IFNGR1: variants seen among roughly 807,000 people sequenced by gnomAD.
The protein encoded by IFNGR1 is interferon gamma receptor 1.
In IFNGR1, 23 loss-of-function variants were observed where a neutral mutation model predicts 35.4. The observed-to-expected ratio is 0.65, with a 90% CI of 0.47 to 0.92. IFNGR1 has a LOEUF of 0.92. IFNGR1 is among the 40% of genes least tolerant of loss of function. The pLI is 0.00. For missense variants in IFNGR1, 533 were observed against 583.4 expected, an observed-to-expected ratio of 0.91 and a Z score of 0.89; for synonymous variants, 199 against 209.5, an observed-to-expected ratio of 0.95 and a Z score of 0.43.
chr6:137,218,975 G>A (rs1179915128), intron 1 of IFNGR1: 6 of 560,594 alleles, frequency 1.1e-5, no homozygotes, highest in Non-Finnish European at 1.9e-5. Flanking sequence ...GTATTTAAAA[G>A]TGGATTACAA....
rs1779639947 is a variant in IFNGR1, at chr6:137,214,257, A to G, written c.85+4986T>C. Among the ~76,000 whole-genome samples the G allele has an allele frequency of 2.0e-5, 3 of 152,330 alleles. No homozygotes were observed. In the South Asian group the frequency reaches 6.2e-4, roughly 32 times the overall value. ...AACCAGCATAAGAAATCCACACTGA[A>G]TAAATGAAAAGTACCAAATCAAGGC... On this transcript the variant is annotated intron_variant, in intron 1 of 6. Coordinates refer to ENST00000367739, the MANE Select transcript of IFNGR1 (RefSeq NM_000416.3).
intron 1 of IFNGR1, among the ~76,000 whole-genome samples, chr6:137,207,518 T>G (rs537830489): frequency 5.6e-4 from 85 of 152,294 alleles, no homozygotes; most frequent in African/African-American, 1.9e-3. Flanking sequence ...AGAATTCCCA[T>G]GTGTTGTGGC....
At position 137,198,263 on chromosome 6, in the gene IFNGR1, T is replaced by C. The variant is rs761112956; in HGVS notation, c.1238A>G (p.Asp413Gly). ...SESDHSRNGF[D>G]TDSSCLESHS... ...TGATTCCAGACAGCTGGAATCAGTATCAAAACCATTTCTGGAGTGATCACT... is the reference window on the plus strand; with the variant it reads ...TGATTCCAGACAGCTGGAATCAGTACCAAAACCATTTCTGGAGTGATCACT... The change falls in exon 7 of 7, where the codon GAT becomes GGT. Residue 413 changes from aspartate to glycine, a missense_variant. Physicochemically the swap from Asp to Gly is moderately conservative, Grantham distance 94 (BLOSUM62 -1). Transcript: ENST00000367739. The C allele has an allele frequency of 7.4e-6, 12 of 1,614,036 alleles. No homozygotes were observed. The South Asian group carries it at 9.9e-5, about 13-fold the overall frequency.
intron 5 of IFNGR1, among the ~76,000 whole-genome samples, chr6:137,201,658 C>T (rs966198804): frequency 6.6e-6 from 1 of 150,544 alleles, no homozygotes; most frequent in African/African-American, 2.4e-5. Context: ...GGTGACAGAG[C>T]GAGACTCCAT....
chr6:137,204,843 T>C (rs986499135), intron 3 of IFNGR1, among the ~76,000 whole-genome samples: 4 of 152,224 alleles, frequency 2.6e-5, no homozygotes, highest in Admixed American at 6.5e-5. Context: ...TTTTCCTTTA[T>C]CTTTGCTTCT....
At chr6:137,218,535 CTT>C in intron 1 of IFNGR1, 7 of 1,288,932 alleles carry the variant, frequency 5.4e-6, no homozygotes, top group Non-Finnish European at 7.1e-6. Flanking sequence ...TCAGCTGCCA[CTT>C]ACTTCTCAGC....
chr6:137,208,532 C>A (rs1779500939), intron 1 of IFNGR1, among the ~76,000 whole-genome samples: 1 of 152,188 alleles, frequency 6.6e-6, no homozygotes, highest in Admixed American at 6.5e-5. Context: ...CCCAGCTGCT[C>A]CAGCTGTGAC....
At chr6:137,203,318 C>A (rs555895937) in intron 5 of IFNGR1, among the ~76,000 whole-genome samples, 181 bp downstream of exon 5, 1 of 152,252 alleles carries the variant, frequency 6.6e-6, no homozygotes, top group South Asian at 2.1e-4. Context: ...TGTTCTATAT[C>A]TTTAAATGTG....
intron 5 of IFNGR1, among the ~76,000 whole-genome samples, chr6:137,201,932 C>T (rs192000266): frequency 1.3e-5 from 2 of 151,946 alleles, no homozygotes; most frequent in East Asian, 3.9e-4. Flanking sequence ...CCATTGTGTA[C>T]TTTGCTGTAA....
intron 3 of IFNGR1, 53 bp downstream of exon 3, chr6:137,206,083 C>T: frequency 7.3e-7 from 1 of 1,372,170 alleles, no homozygotes; most frequent in Non-Finnish European, 1.0e-6. Flanking sequence ...ATACAGAAGA[C>T]ATGTATAAAT....
At chr6:137,216,438 TTTA>T (rs1779698595) in intron 1 of IFNGR1, among the ~76,000 whole-genome samples, 2 of 152,354 alleles carry the variant, frequency 1.3e-5, no homozygotes, top group Non-Finnish European at 2.9e-5. Context: ...ACACACAGAT[TTTA>T]TTTTCACTTA....
At chr6:137,205,868 T>A (rs1052442889) in intron 3 of IFNGR1, among the ~76,000 whole-genome samples, 6 of 152,230 alleles carry the variant, frequency 3.9e-5, no homozygotes, top group Non-Finnish European at 7.3e-5. Flanking sequence ...ACATTATATT[T>A]ACCAGTTGAA....
At position 137,197,777 on chromosome 6, in the gene IFNGR1, C is replaced by T; in HGVS notation, c.*254G>A. The T allele has an allele frequency of 2.4e-6, 1 of 425,430 alleles. No homozygotes were observed. Among genetic ancestry groups the T allele is most frequent in the South Asian group, 2.2e-5 (1 of 45,602 alleles). The allele number at this position is 425,430 out of a possible 1,614,324, so 26.4% of individuals were successfully genotyped here. A position where few individuals can be genotyped will look rare whatever the true frequency, so the allele number is the denominator to read the frequency against. On this transcript the variant is annotated 3_prime_UTR_variant, in exon 7 of 7. Coordinates refer to ENST00000367739, the MANE Select transcript of IFNGR1 (RefSeq NM_000416.3). ...AGGAGTACTGGATACTGTTCCGTTA[C>T]TGGTAACCTATCTGGATGTAAAGGT...
intron 1 of IFNGR1, among the ~76,000 whole-genome samples, chr6:137,207,306 A>G (rs1334395168): frequency 1.3e-5 from 2 of 152,264 alleles, no homozygotes; most frequent in Non-Finnish European, 2.9e-5. Flanking sequence ...CATCATTGCA[A>G]TATAAAGGAA....
intron 1 of IFNGR1, among the ~76,000 whole-genome samples, chr6:137,210,472 A>G (rs1230886575): frequency 6.6e-6 from 1 of 152,182 alleles, no homozygotes; most frequent in African/African-American, 2.4e-5. Context: ...TGGTTATTCA[A>G]TCTCACCTCC....
chr6:137,198,286 A>G lies in IFNGR1; in HGVS notation c.1215T>C (p.Ser405=). ...TATCAAAACCATTTCTGGAGTGATC[A>G]CTCTCAGAACAATTTCTGGAGTGAT... ...NSYHSRNCSE[S]DHSRNGFDTD... Residue 405 remains serine (S), a synonymous_variant, in exon 7 of 7, where the codon AGT becomes AGC. Coordinates refer to ENST00000367739, the MANE Select transcript of IFNGR1 (RefSeq NM_000416.3). The G allele has an allele frequency of 6.2e-7, 1 of 1,613,952 alleles. No individual in the cohort carries two copies. The highest frequency in any genetic ancestry group is 8.5e-7 in the Non-Finnish European group (1 of 1,179,998).
chr6:137,206,928 G>C (rs1188602474), intron 2 of IFNGR1, 35 bp downstream of exon 2: 2 of 1,512,254 alleles, frequency 1.3e-6, no homozygotes, highest in Admixed American at 3.4e-5. Context: ...AAACAAAAAT[G>C]GAATAAAAAG....
At chr6:137,201,822 C>G (rs1779285460) in intron 5 of IFNGR1, among the ~76,000 whole-genome samples, 1 of 152,156 alleles carries the variant, frequency 6.6e-6, no homozygotes, top group Non-Finnish European at 1.5e-5. Context: ...TACATGCACA[C>G]AGCAATGCTG....
At chr6:137,207,444 G>A (rs558980032) in intron 1 of IFNGR1, among the ~76,000 whole-genome samples, 30 of 152,218 alleles carry the variant, frequency 2.0e-4, no homozygotes, top group African/African-American at 7.0e-4. Context: ...ACTACAGATT[G>A]TATTCAATGT....
Sources: allele counts gnomAD v4.1 joint callset (sites outside exome capture counted in the v4.1 genomes callset), GRCh38; gene constraint gnomAD v4.1.1; transcripts MANE v1.5; gene names NCBI Gene and HGNC (gene_info 2026-07-23, HGNC 2026-07-21).